GMDS: variants seen among roughly 807,000 people sequenced by gnomAD.
GMDS encodes the protein GDP-mannose 4,6 dehydratase.
A neutral mutation model predicts 49.9 loss-of-function variants in GMDS; 20 were observed. The ratio of observed to expected loss-of-function variants is 0.40; its 90% CI spans 0.28 to 0.58. GMDS has a LOEUF of 0.58. Ranked by LOEUF, GMDS falls within the 20% of genes least tolerant of loss-of-function variation. The pLI, the probability that GMDS is intolerant of heterozygous loss-of-function variation, is 0.42. For synonymous variants in GMDS, 177 were observed against 178.6 expected (o/e 0.99, Z 0.07); for missense variants, 362 against 481.4 (o/e 0.75, Z 2.32).
intron 1 of GMDS, among the ~76,000 whole-genome samples, chr6:2,141,674 T>G (rs1170969016): frequency 6.6e-6 from 1 of 152,074 alleles, no homozygotes; most frequent in Non-Finnish European, 1.5e-5. Flanking sequence ...AGGTCCCCCA[T>G]TTTGGGAAGC....
chr6:1,999,865 C>T (rs1375441070), intron 4 of GMDS, among the ~76,000 whole-genome samples: 1 of 122,454 alleles, frequency 8.2e-6, no homozygotes, highest in Non-Finnish European at 1.6e-5. Flanking sequence ...TCTTACTTTT[C>T]AAAAATACCA....
At chr6:1,751,378 C>T (rs1393108619) in intron 7 of GMDS, among the ~76,000 whole-genome samples, 1 of 152,214 alleles carries the variant, frequency 6.6e-6, no homozygotes, top group Non-Finnish European at 1.5e-5. Flanking sequence ...GAGGAAGGAA[C>T]AGGCAGCAAT....
chr6:2,230,930 T>TCCCCCC (rs797010185), intron 1 of GMDS, among the ~76,000 whole-genome samples: 2 of 14,540 alleles, frequency 1.4e-4, no homozygotes, highest in African/African-American at 5.2e-4. Flanking sequence ...AGTATTCTCT[T>TCCCCCC]CCCCCCTCCC....
chr6:1,678,191 G>A (rs1764683426), intron 9 of GMDS, among the ~76,000 whole-genome samples: 1 of 152,054 alleles, frequency 6.6e-6, no homozygotes, highest in African/African-American at 2.4e-5. Flanking sequence ...CGAAGATCAG[G>A]AAAAAATCCC....
At chr6:1,835,594 C>A (rs113535107) in intron 7 of GMDS, among the ~76,000 whole-genome samples, 7 of 142,690 alleles carry the variant, frequency 4.9e-5, no homozygotes, top group East Asian at 1.9e-4. Context: ...GCTTGATAAA[C>A]CAACTATTTT....
At chr6:2,009,982 T>G (rs900738001) in intron 4 of GMDS, among the ~76,000 whole-genome samples, 11 of 152,154 alleles carry the variant, frequency 7.2e-5, no homozygotes, top group African/African-American at 2.2e-4. Context: ...ACTGTAATCC[T>G]TCTGATCCAA....
intron 8 of GMDS, among the ~76,000 whole-genome samples, chr6:1,730,300 G>T (rs959806838): frequency 2.0e-5 from 3 of 152,224 alleles, no homozygotes; most frequent in African/African-American, 7.2e-5. Context: ...AAGAGGGCAG[G>T]AAAGAGATGT....
chr6:1,624,563 G>A (rs1762786379), intron 9 of GMDS, 23 bp from the exon 10 acceptor site: 1 of 1,576,600 alleles, frequency 6.3e-7, no homozygotes, highest in Non-Finnish European at 8.7e-7. Context: ...AGGGGGAGAC[G>A]AAGCAGGCGT....
intron 7 of GMDS, among the ~76,000 whole-genome samples, chr6:1,787,970 G>A (rs567323674): frequency 3.9e-5 from 6 of 152,282 alleles, no homozygotes; most frequent in South Asian, 2.1e-4. Context: ...AAGGCAACCC[G>A]AGACAGGCAG....
chr6:2,015,246 T>C (rs1767816901), intron 4 of GMDS, among the ~76,000 whole-genome samples: 1 of 152,172 alleles, frequency 6.6e-6, no homozygotes, highest in Admixed American at 6.5e-5. Flanking sequence ...AGAGTACACA[T>C]TCTCTTCACT....
chr6:1,641,316 C>T (rs1763322981), intron 9 of GMDS, among the ~76,000 whole-genome samples: 2 of 152,170 alleles, frequency 1.3e-5, no homozygotes, highest in African/African-American at 2.4e-5. Context: ...GTCACTGTCA[C>T]GTTAGTGAAG....
intron 6 of GMDS, among the ~76,000 whole-genome samples, chr6:1,936,683 G>A (rs1009121868): frequency 2.0e-5 from 3 of 152,112 alleles, no homozygotes; most frequent in Admixed American, 6.5e-5. Flanking sequence ...GATTACAATA[G>A]AGGCCAGGCA....
At chr6:1,699,668 A>G (rs1445514950) in intron 9 of GMDS, among the ~76,000 whole-genome samples, 1 of 151,726 alleles carries the variant, frequency 6.6e-6, no homozygotes, top group Non-Finnish European at 1.5e-5. Context: ...CCTTCCTCCT[A>G]TAAGGACCTT....
chr6:1,674,085 T>G (rs1287672032), intron 9 of GMDS, among the ~76,000 whole-genome samples: 3 of 152,032 alleles, frequency 2.0e-5, no homozygotes, highest in Admixed American at 6.6e-5. Context: ...ACCATCGTGC[T>G]ATTTATGAAA....
At chr6:2,165,566 C>G (rs1446139060) in intron 1 of GMDS, among the ~76,000 whole-genome samples, 1 of 152,210 alleles carries the variant, frequency 6.6e-6, no homozygotes, top group Non-Finnish European at 1.5e-5. Context: ...TAGCCTCATC[C>G]AAAAACACCC....
At chr6:1,627,048 A>C (rs972570770) in intron 9 of GMDS, among the ~76,000 whole-genome samples, 1 of 152,198 alleles carries the variant, frequency 6.6e-6, no homozygotes, top group Non-Finnish European at 1.5e-5. Flanking sequence ...AGACCAAGAG[A>C]CCTTGGGAAG....
At chr6:1,788,549 G>A (rs747367006) in intron 7 of GMDS, among the ~76,000 whole-genome samples, 3 of 152,136 alleles carry the variant, frequency 2.0e-5, no homozygotes, top group Non-Finnish European at 4.4e-5. Context: ...AATGGAAGGG[G>A]AACAATAAGA....
chr6:1,910,435 A>G (rs780968467), intron 7 of GMDS, among the ~76,000 whole-genome samples: 1 of 152,180 alleles, frequency 6.6e-6, no homozygotes, highest in Non-Finnish European at 1.5e-5. Context: ...TAGCAGATAT[A>G]TTTAAAAACA....
chr6:1,798,973 G>C lies in GMDS; in HGVS notation c.772-56387C>G, dbSNP rs570962134. The stretch of plus-strand genomic sequence containing the variant: ...CCCCAACTTACTTCTGTCAAACATA[G>C]GGTGTTCTGGGCCTGGTCCATACTT... On this transcript the variant is annotated intron_variant, in intron 7 of 10. Transcript: ENST00000380815. Among the ~76,000 whole-genome samples the C allele has an allele frequency of 5.9e-5, 9 of 152,278 alleles. No homozygotes were observed. In the South Asian group the frequency reaches 1.9e-3, roughly 32 times the overall value.
Sources: gnomAD v4.1 joint callset for allele counts (sites outside exome capture counted in the v4.1 genomes callset) on GRCh38, gnomAD v4.1.1 for gene constraint, MANE v1.5 for transcripts, NCBI Gene and HGNC (gene_info 2026-07-23, HGNC 2026-07-21) for gene names.